The following TOP1MT variants were observed in gnomAD, a reference collection of about 807,000 sequenced individuals.
The protein encoded by TOP1MT is DNA topoisomerase I, mitochondrial.
A neutral mutation model predicts 73.9 loss-of-function variants in TOP1MT; 80 were observed. The observed-to-expected ratio is 1.08, with a 90% CI of 0.90 to 1.30. The LOEUF (loss-of-function observed/expected upper bound fraction) is 1.30, where lower values mean the gene tolerates loss of function less well. Ranked by LOEUF, TOP1MT falls within the 50% of genes most tolerant of loss-of-function variation. The probability of loss-of-function intolerance (pLI) is 0.00; values close to 1 mark genes in which losing one functional copy is unlikely to be tolerated. For synonymous variants in TOP1MT, 338 were observed against 326.4 expected (o/e 1.04, Z -0.38); for missense variants, 815 against 808.0 (o/e 1.01, Z -0.10).
chr8:143,316,853 C>T (rs1413691555), intron 10 of TOP1MT, among the ~76,000 whole-genome samples: 2 of 152,224 alleles, frequency 1.3e-5, no homozygotes, highest in African/African-American at 4.8e-5. Flanking sequence ...TTTCCTCTCC[C>T]AGGCCCGGCC....
chr8:143,330,604 G>A (rs2956267), intron 2 of TOP1MT, among the ~76,000 whole-genome samples: 24,362 of 152,246 alleles, frequency 0.16, 3,531 homozygotes, highest in African/African-American at 0.39. Flanking sequence ...TGCCCTGGGG[G>A]AGAAGAGGTT....
chr8:143,356,966 C>T (rs950391900), upstream of TOP1MT, among the ~76,000 whole-genome samples: 1 of 151,190 alleles, frequency 6.6e-6, no homozygotes, highest in African/African-American at 2.4e-5. Context: ...TGGTGGCGGG[C>T]GCCTTTAGTC....
intron 4 of TOP1MT, 21 bp from the exon 5 acceptor site, chr8:143,325,554 G>A (rs1302396759): frequency 6.3e-7 from 1 of 1,598,452 alleles, no homozygotes; most frequent in Non-Finnish European, 8.6e-7. Flanking sequence ...AAAACAGTCA[G>A]TGGACATTAG....
intron 2 of TOP1MT, among the ~76,000 whole-genome samples, chr8:143,342,749 TA>T: frequency 1.5e-5 from 2 of 132,656 alleles, no homozygotes; most frequent in Non-Finnish European, 3.3e-5. Context: ...CTCGCTCTGT[TA>T]TTATTATTAG....
intron 7 of TOP1MT, among the ~76,000 whole-genome samples, chr8:143,322,891 C>CCA (rs1403120361): frequency 1.1e-5 from 1 of 91,752 alleles, no homozygotes; most frequent in Non-Finnish European, 2.1e-5. Context: ...CACACGCACG[C>CCA]CACACGCACG....
In TOP1MT at chr8:143,341,378, G is replaced by A. The variant is rs1817077651; in HGVS notation, c.29+1842C>T. Among the ~76,000 whole-genome samples, 1 of 152,138 alleles carries A rather than the reference G, an allele frequency of 6.6e-6. No individual in the cohort carries two copies. The highest frequency in any genetic ancestry group is 2.4e-5 in the African/African-American group (1 of 41,426). On this transcript the variant is annotated intron_variant, in intron 2 of 5. Coordinates refer to the TOP1MT transcript ENST00000518007. The surrounding 1 kb of genome is among the most constrained non-coding windows in gnomAD (Gnocchi z 4.1). The stretch of plus-strand genomic sequence containing the variant: ...TCTTCTCTTGGGTGTCAGGACCCCG[G>A]GCACATCCACCAAGGGCCATCTTCA...
At chr8:143,321,885 CCACACACAGGCACGCCA>C (rs1816413123) in intron 7 of TOP1MT, among the ~76,000 whole-genome samples, 3 of 93,236 alleles carry the variant, frequency 3.2e-5, no homozygotes, top group African/African-American at 9.1e-5. Context: ...CACACGCACG[CCACACACAGGCACGCCA>C]CACACACAGG....
rs1171236474 is a variant in TOP1MT, at chr8:143,342,539, G to GTTA, written c.29+678_29+680dup. Among the ~76,000 whole-genome samples the GTTA allele has an allele frequency of 1.1e-4, 5 of 47,470 alleles. No homozygotes were observed. The East Asian group carries it at 1.6e-3, about 15-fold the overall frequency. 31.1% of individuals were successfully genotyped at this position (47,470 alleles called of 152,430 possible). A position where few individuals can be genotyped will look rare whatever the true frequency, so the allele number is the denominator to read the frequency against. ...ATTATTAGAGACAGAGTCTCGCTCT[G>GTTA]TTATTATTATTATTATTAGAGACAG... On this transcript the variant is annotated intron_variant, in intron 2 of 5. Transcript: ENST00000518007.
At chr8:143,313,638 G>T (rs1487083528) in intron 12 of TOP1MT, among the ~76,000 whole-genome samples, 1 of 151,244 alleles carries the variant, frequency 6.6e-6, no homozygotes, top group African/African-American at 2.4e-5. Flanking sequence ...CAGATTGCCT[G>T]AGCTCAGGAG....
At position 143,313,750 on chromosome 8, in the gene TOP1MT, G is replaced by A. The variant is rs569180793; in HGVS notation, c.1553+1977C>T. 2.5e-3 allele frequency among the ~76,000 whole-genome samples: 374 copies of A among 151,688 alleles called. 1 individual carries two copies. Among genetic ancestry groups the A allele is most frequent in the Non-Finnish European group, 4.0e-3 (275 of 67,906 alleles). The stretch of plus-strand genomic sequence containing the variant: ...GGTGCCTGTAATCCCAGCTACTCAG[G>A]AGGCTGAGGCAGGAGAATTGCTTGA... On this transcript the variant is annotated intron_variant, in intron 12 of 13. Transcript: ENST00000329245.
chr8:143,322,692 G>A (rs1305627401), intron 7 of TOP1MT, among the ~76,000 whole-genome samples: 6 of 36,828 alleles, frequency 1.6e-4, no homozygotes, highest in East Asian at 7.3e-4. Context: ...ACACACGCAC[G>A]CCACACGCAC....
intron 7 of TOP1MT, among the ~76,000 whole-genome samples, chr8:143,321,897 A>T (rs1816414233): frequency 9.1e-6 from 1 of 109,612 alleles, no homozygotes; most frequent in African/African-American, 3.6e-5. Context: ...ACACACAGGC[A>T]CGCCACACAC....
At chr8:143,337,729 T>TTGCCTAAA (rs1817006127), upstream of TOP1MT, among the ~76,000 whole-genome samples, 1 of 152,194 alleles carries the variant, frequency 6.6e-6, no homozygotes. Context: ...TTCTGCCTAA[T>TTGCCTAAA]TTCTGCCTCA....
upstream of TOP1MT, among the ~76,000 whole-genome samples, chr8:143,338,336 G>C (rs1817017827): frequency 6.6e-6 from 1 of 152,108 alleles, no homozygotes; most frequent in South Asian, 2.1e-4. Context: ...GGGAGGCCAA[G>C]GCGGGCGGAT....
intron 5 of TOP1MT, 60 bp downstream of exon 5, chr8:143,325,286 G>A: frequency 6.8e-7 from 1 of 1,474,028 alleles, no homozygotes; most frequent in African/African-American, 1.4e-5. Context: ...GTGAAGAAAA[G>A]CCAGCCTCAC....
intron 8 of TOP1MT, among the ~76,000 whole-genome samples, chr8:143,320,667 T>A (rs530052000): frequency 1.3e-5 from 2 of 152,106 alleles, no homozygotes; most frequent in African/African-American, 4.8e-5. Context: ...AGCGTCCTTG[T>A]GAGAACACGC....
chr8:143,322,156 CGCCACACACGCAT>C (rs1194445112), intron 7 of TOP1MT, among the ~76,000 whole-genome samples: 3 of 110,740 alleles, frequency 2.7e-5, no homozygotes, highest in South Asian at 4.0e-4. Context: ...GCCACACGCA[CGCCACACACGCAT>C]GCCACACGCA....
chr8:143,349,673 C>CT (rs1158387166), upstream of TOP1MT, among the ~76,000 whole-genome samples: 6 of 147,718 alleles, frequency 4.1e-5, no homozygotes, highest in Non-Finnish European at 7.4e-5. Context: ...CAGAGTCTTG[C>CT]TCTGTCACCC....
chr8:143,334,882 G>A (rs1400113320), upstream of TOP1MT: 1 of 1,419,000 alleles, frequency 7.0e-7, no homozygotes, highest in Non-Finnish European at 9.0e-7. Context: ...CCGGGAAAGA[G>A]CGACAAGCTG....
Sources: allele counts gnomAD v4.1 joint callset (sites outside exome capture counted in the v4.1 genomes callset), GRCh38; gene constraint gnomAD v4.1.1; non-coding constraint Gnocchi (gnomAD v3.1); transcripts MANE v1.5; gene names NCBI Gene and HGNC (gene_info 2026-07-23, HGNC 2026-07-21).